TGFBR3: variants seen among roughly 807,000 people sequenced by gnomAD.
The protein encoded by TGFBR3 is transforming growth factor beta receptor type 3.
A neutral mutation model predicts 87.9 loss-of-function variants in TGFBR3; 46 were observed. The ratio of observed to expected loss-of-function variants is 0.52; its 90% CI spans 0.41 to 0.67. The LOEUF (loss-of-function observed/expected upper bound fraction) is 0.67. TGFBR3 is among the 30% of genes least tolerant of loss of function. The probability of loss-of-function intolerance (pLI) is 0.00; values close to 1 mark genes in which losing one functional copy is unlikely to be tolerated. For missense variants in TGFBR3, 866 were observed against 1,041.9 expected (o/e 0.83, Z 2.32); for synonymous variants, 381 against 391.6 (o/e 0.97, Z 0.32).
chr1:91,734,119 T>TTTTTTG (rs1003401350), intron 5 of TGFBR3, among the ~76,000 whole-genome samples: 1 of 149,920 alleles, frequency 6.7e-6, no homozygotes, highest in Non-Finnish European at 1.5e-5. Context: ...AAAGAGAAGG[T>TTTTTTG]TTTTTGTTTT....
At chr1:91,896,569 A>G (rs1286990227) in intron 2 of TGFBR3, among the ~76,000 whole-genome samples, 1 of 152,220 alleles carries the variant, frequency 6.6e-6, no homozygotes, top group Admixed American at 6.5e-5. Flanking sequence ...AGGGGTTTCC[A>G]TAGTCAGACC....
rs560968965 is a variant in TGFBR3 at position 91,820,253 on chromosome 1, G to A, written c.62-22782C>T. Among the ~76,000 whole-genome samples the A allele has an allele frequency of 1.8e-4, 27 of 152,232 alleles. No individual in the cohort carries two copies. The South Asian group carries it at 5.4e-3, about 30-fold the overall frequency. On this transcript the variant is annotated intron_variant, in intron 2 of 16. Coordinates refer to ENST00000212355, the MANE Select transcript of TGFBR3 (RefSeq NM_003243.5). Reference sequence around the variant, plus strand: ...TCTCTAAAGGCATTACATCATAACTGTAATTACACCAGGCTGTAACTGATA... The same window carrying A: ...TCTCTAAAGGCATTACATCATAACTATAATTACACCAGGCTGTAACTGATA...
intron 2 of TGFBR3, among the ~76,000 whole-genome samples, chr1:91,798,403 C>A (rs547557200): frequency 6.6e-6 from 1 of 152,288 alleles, no homozygotes; most frequent in East Asian, 1.9e-4. Context: ...CTTGATCTAG[C>A]CCCTTCCTAT....
chr1:91,892,015 C>T (rs138193052), intron 2 of TGFBR3, among the ~76,000 whole-genome samples: 1 of 152,294 alleles, frequency 6.6e-6, no homozygotes, highest in African/African-American at 2.4e-5. Flanking sequence ...CAGGCACTGG[C>T]TTCAGATCTG....
At chr1:91,869,813 C>T (rs1489535315) in intron 1 of TGFBR3, among the ~76,000 whole-genome samples, 1 of 152,242 alleles carries the variant, frequency 6.6e-6, no homozygotes, top group Admixed American at 6.5e-5. Flanking sequence ...CTCAGACCTT[C>T]TGCATCCTAC....
intron 5 of TGFBR3, 70 bp from the exon 6 acceptor site, chr1:91,730,043 T>A (rs1672709685): frequency 8.8e-6 from 14 of 1,582,364 alleles, no homozygotes; most frequent in Non-Finnish European, 1.1e-5. Context: ...GGAAGGAGGG[T>A]GACAGTGAAA....
intron 2 of TGFBR3, among the ~76,000 whole-genome samples, chr1:91,808,603 T>C (rs1675922077): frequency 6.6e-6 from 1 of 152,094 alleles, no homozygotes; most frequent in Non-Finnish European, 1.5e-5. Context: ...GTAGCTGGAA[T>C]TACAGGCATG....
intron 1 of TGFBR3, among the ~76,000 whole-genome samples, chr1:91,871,880 T>C (rs866284903): frequency 6.6e-6 from 1 of 152,184 alleles, no homozygotes; most frequent in Non-Finnish European, 1.5e-5. Context: ...ATCTATAAAG[T>C]AGAGATAATG....
At chr1:91,803,322 A>C (rs562498805) in intron 2 of TGFBR3, among the ~76,000 whole-genome samples, 1 of 152,158 alleles carries the variant, frequency 6.6e-6, no homozygotes, top group African/African-American at 2.4e-5. Flanking sequence ...ATGTTTCCCA[A>C]TCCCGCTAGC....
rs140270942 is a variant in TGFBR3 at position 91,706,983 on chromosome 1, AC to A, written c.2287+1679del. On this transcript the variant is annotated intron_variant, in intron 14 of 16. Coordinates refer to ENST00000212355, the MANE Select transcript of TGFBR3 (RefSeq NM_003243.5). ...TTGAAAACCAATCAATAAAAGTAAA[AC>A]AAACAACAACAAAAATGTTGCCGAG... is the stretch of plus-strand genomic sequence containing the variant. 1.2e-3 allele frequency among the ~76,000 whole-genome samples: 181 copies of A among 152,360 alleles called. 1 individual carries two copies. In the East Asian group the frequency reaches 0.034, roughly 28 times the overall value.
intron 2 of TGFBR3, among the ~76,000 whole-genome samples, chr1:91,822,691 CCAAAG>C (rs1324984295): frequency 6.6e-6 from 1 of 152,102 alleles, no homozygotes; most frequent in Non-Finnish European, 1.5e-5. Context: ...CTTTGAGAGA[CCAAAG>C]CAAGGGAATC....
chr1:91,861,786 A>T, intron 1 of TGFBR3, 142 bp from the exon 2 acceptor site: 1 of 490,582 alleles, frequency 2.0e-6, no homozygotes, highest in Non-Finnish European at 3.7e-6. Flanking sequence ...AGCAAACTAG[A>T]CTGAGGGCAG....
chr1:91,822,461 C>A (rs1463670792), intron 2 of TGFBR3, among the ~76,000 whole-genome samples: 2 of 152,018 alleles, frequency 1.3e-5, no homozygotes, highest in Non-Finnish European at 2.9e-5. Flanking sequence ...ATTTTGGGGG[C>A]TCAGTTGAAA....
In TGFBR3 at chr1:91,714,550, A is replaced by C. The variant is rs193039587; in HGVS notation, c.1866+1686T>G. On this transcript the variant is annotated intron_variant, in intron 12 of 16. Transcript: ENST00000212355. The stretch of plus-strand genomic sequence containing the variant: ...GGTATAAATGGGAAAACAAGAATGG[A>C]AAAAAAAAACTACCAATAACACACT... Among the ~76,000 whole-genome samples the C allele has an allele frequency of 3.1e-3, 432 of 141,620 alleles. 1 individual carries two copies. Among genetic ancestry groups the C allele is most frequent in the African/African-American group, 0.013 (412 of 32,838 alleles). 92.9% of individuals were successfully genotyped at this position (141,620 alleles called of 152,430 possible). A position where few individuals can be genotyped will look rare whatever the true frequency, so the allele number is the denominator to read the frequency against.
chr1:91,722,689 C>T lies in TGFBR3; in HGVS notation c.886-545G>A, dbSNP rs534873739. Among the ~76,000 whole-genome samples the T allele has an allele frequency of 2.6e-5, 4 of 152,268 alleles. No homozygotes were observed. The East Asian group carries it at 7.7e-4, about 29-fold the overall frequency. On this transcript the variant is annotated intron_variant, in intron 7 of 16. Coordinates refer to ENST00000212355, the MANE Select transcript of TGFBR3 (RefSeq NM_003243.5). ...GGTGATTTAGTCATTGTGTGAGCAT[C>T]ATAGAGTGCACTTACACAAACCTAC...
chr1:91,800,002 C>G (rs148642616), intron 2 of TGFBR3, among the ~76,000 whole-genome samples: 4 of 151,854 alleles, frequency 2.6e-5, no homozygotes, highest in Non-Finnish European at 2.9e-5. Flanking sequence ...GCTCTAGCCA[C>G]GGGTTGGTTA....
intron 3 of TGFBR3, among the ~76,000 whole-genome samples, chr1:91,769,929 G>A (rs922485001): frequency 2.6e-5 from 4 of 152,214 alleles, no homozygotes; most frequent in Non-Finnish European, 5.9e-5. Flanking sequence ...AAAGGCTGGG[G>A]CACAGAAGTT....
intron 2 of TGFBR3, among the ~76,000 whole-genome samples, chr1:91,852,736 C>A (rs1257793887): frequency 6.6e-6 from 1 of 152,156 alleles, no homozygotes; most frequent in African/African-American, 2.4e-5. Context: ...CACTCTAGGT[C>A]TTTTAATAGC....
At chr1:91,812,586 T>C (rs1386633259) in intron 2 of TGFBR3, among the ~76,000 whole-genome samples, 1 of 152,164 alleles carries the variant, frequency 6.6e-6, no homozygotes, top group African/African-American at 2.4e-5. Flanking sequence ...ATCTACCAAA[T>C]GGTCCCATAT....
Sources: allele counts gnomAD v4.1 joint callset (sites outside exome capture counted in the v4.1 genomes callset), GRCh38; gene constraint gnomAD v4.1.1; transcripts MANE v1.5; gene names NCBI Gene and HGNC (gene_info 2026-07-23, HGNC 2026-07-21).